The following PTPRE variants were observed in gnomAD, a reference collection of about 807,000 sequenced individuals.
PTPRE encodes the protein receptor-type tyrosine-protein phosphatase epsilon.
A neutral mutation model predicts 102.0 loss-of-function variants in PTPRE; 51 were observed. That is an observed-to-expected ratio of 0.50 (90% CI 0.40 to 0.63). The LOEUF is 0.63. PTPRE is among the 30% of genes least tolerant of loss of function. The pLI is 0.00. For synonymous variants in PTPRE, 345 were observed against 348.2 expected (o/e 0.99, Z 0.10); for missense variants, 752 against 915.1 (o/e 0.82, Z 2.30).
rs113986245 is a variant in PTPRE, at chr10:127,970,161, C to T, written c.-30-12113C>T. 8.8e-4 allele frequency among the ~76,000 whole-genome samples: 134 copies of T among 152,310 alleles called. 2 individuals are homozygous for T. The highest frequency in any genetic ancestry group is 3.1e-3 in the African/African-American group (127 of 41,570). ...TGGCCTGGAAGTCCAGCCCACACTC[C>T]CAGACTCCAGCTGGGAGACACAAGA... On this transcript the variant is annotated intron_variant, in intron 1 of 20. Transcript: ENST00000254667.
intron 2 of PTPRE, among the ~76,000 whole-genome samples, chr10:128,027,046 C>G (rs903887309): frequency 6.6e-6 from 1 of 152,152 alleles, no homozygotes; most frequent in African/African-American, 2.4e-5. Flanking sequence ...TAGATACAGA[C>G]GCAGAGAGGG....
chr10:127,994,172 C>G (rs368142616), intron 2 of PTPRE, among the ~76,000 whole-genome samples: 1 of 152,196 alleles, frequency 6.6e-6, no homozygotes, highest in Admixed American at 6.5e-5. Context: ...CTCGTGTTCC[C>G]GAAGCCCACC....
chr10:127,909,190 C>T lies in PTPRE; in HGVS notation c.-31+1881C>T, dbSNP rs558267651. 4.6e-5 allele frequency among the ~76,000 whole-genome samples: 7 copies of T among 152,296 alleles called. No individual in the cohort carries two copies. The East Asian group carries it at 1.4e-3, about 29-fold the overall frequency. ...GGGAGCCCCCTCTTCTCCAGGGATGCGTGTGTGCAAACCATTGCCCCTGAG... is the reference window on the plus strand; with the variant it reads ...GGGAGCCCCCTCTTCTCCAGGGATGTGTGTGTGCAAACCATTGCCCCTGAG... On this transcript the variant is annotated intron_variant, in intron 1 of 20. Coordinates refer to ENST00000254667, the MANE Select transcript of PTPRE (RefSeq NM_006504.6).
chr10:128,013,503 C>T (rs906274482), intron 2 of PTPRE, among the ~76,000 whole-genome samples: 1 of 152,136 alleles, frequency 6.6e-6, no homozygotes, highest in Non-Finnish European at 1.5e-5. Flanking sequence ...ATCCTTTAAA[C>T]GGTCACATGG....
chr10:128,055,428 G>A (rs1848869987), intron 6 of PTPRE, among the ~76,000 whole-genome samples: 1 of 152,184 alleles, frequency 6.6e-6, no homozygotes, highest in South Asian at 2.1e-4. Flanking sequence ...CCCTGACTGG[G>A]ACAAAGGAGT....
chr10:128,000,820 A>T (rs554547836), intron 2 of PTPRE, among the ~76,000 whole-genome samples: 1 of 152,336 alleles, frequency 6.6e-6, no homozygotes, highest in East Asian at 1.9e-4. Flanking sequence ...GCACTGTAAG[A>T]ATTCCACCAA....
intron 19 of PTPRE, among the ~76,000 whole-genome samples, 176 bp downstream of exon 19, chr10:128,077,959 GTCATCGTA>G (rs1375272999): frequency 1.3e-5 from 2 of 152,222 alleles, no homozygotes; most frequent in African/African-American, 2.4e-5. Flanking sequence ...GTACATACAT[GTCATCGTA>G]TCATACATAA....
intron 1 of PTPRE, among the ~76,000 whole-genome samples, chr10:127,931,944 T>A (rs1847476383): frequency 6.6e-6 from 1 of 152,234 alleles, no homozygotes; most frequent in African/African-American, 2.4e-5. Flanking sequence ...TTAAAAGACT[T>A]TTGTGGACCC....
intron 2 of PTPRE, among the ~76,000 whole-genome samples, chr10:127,986,203 C>G (rs1017463886): frequency 1.3e-5 from 2 of 152,108 alleles, no homozygotes; most frequent in African/African-American, 4.8e-5. Flanking sequence ...TTTTCCTTTC[C>G]TTTTTGTTTG....
At chr10:127,961,419 T>A (rs936473957) in intron 1 of PTPRE, among the ~76,000 whole-genome samples, 7 of 145,640 alleles carry the variant, frequency 4.8e-5, no homozygotes, top group Admixed American at 4.8e-4. Flanking sequence ...TGGGGCAGGG[T>A]GGGGGTGGGA....
chr10:128,059,462 C>T (rs1590176955), intron 7 of PTPRE, among the ~76,000 whole-genome samples: 1 of 152,204 alleles, frequency 6.6e-6, no homozygotes, highest in Non-Finnish European at 1.5e-5. Context: ...AAGGCATGAC[C>T]TGGGGGCTGC....
At chr10:127,943,789 A>C (rs1000537424) in intron 1 of PTPRE, among the ~76,000 whole-genome samples, 4 of 152,102 alleles carry the variant, frequency 2.6e-5, no homozygotes, top group Non-Finnish European at 4.4e-5. Flanking sequence ...TCCCAGCCTC[A>C]CATTTGCTAG....
At chr10:127,999,505 T>C in intron 2 of PTPRE, 5 of 984,822 alleles carry the variant, frequency 5.1e-6, no homozygotes, top group Non-Finnish European at 6.0e-6. Context: ...TCGCCTTCTG[T>C]TCCTCTCCGA....
intron 3 of PTPRE, among the ~76,000 whole-genome samples, chr10:128,042,330 C>T (rs1053633248): frequency 4.6e-5 from 7 of 152,196 alleles, no homozygotes; most frequent in African/African-American, 1.4e-4. Flanking sequence ...ACTGTGGGCA[C>T]CGGCAGGATG....
intron 2 of PTPRE, among the ~76,000 whole-genome samples, chr10:127,994,001 G>T (rs1852981833): frequency 6.6e-6 from 1 of 152,174 alleles, no homozygotes; most frequent in Non-Finnish European, 1.5e-5. Context: ...GAGTTGAGGG[G>T]TCATACCCCG....
At chr10:127,964,840 G>T in intron 1 of PTPRE, 1 of 319,042 alleles carries the variant, frequency 3.1e-6, no homozygotes, top group South Asian at 2.6e-5. Flanking sequence ...AGCGCTTGCA[G>T]CCAGTTGTCT....
intron 2 of PTPRE, among the ~76,000 whole-genome samples, chr10:127,982,807 T>C (rs11015990): frequency 0.19 from 28,778 of 152,156 alleles, 2,839 homozygotes; most frequent in Non-Finnish European, 0.22. Context: ...ATTTTATGCC[T>C]TTTGGGTCCA....
At chr10:128,072,388 C>A (rs1850849149) in intron 16 of PTPRE, 174 bp downstream of exon 16, 1 of 598,578 alleles carries the variant, frequency 1.7e-6, no homozygotes, top group South Asian at 2.2e-5. Flanking sequence ...CACGATGGCT[C>A]ACACCTGTAA....
At chr10:128,071,362 T>C (rs1850753776) in intron 15 of PTPRE, 1 of 186,244 alleles carries the variant, frequency 5.4e-6, no homozygotes, top group South Asian at 9.6e-5. Context: ...GGCTGTGGCC[T>C]TGAGGAGGAC....
Sources: gnomAD v4.1 joint callset for allele counts (sites outside exome capture counted in the v4.1 genomes callset) on GRCh38, gnomAD v4.1.1 for gene constraint, MANE v1.5 for transcripts, NCBI Gene and HGNC (gene_info 2026-07-23, HGNC 2026-07-21) for gene names.